FANCA: variants seen among roughly 807,000 people sequenced by gnomAD.
FANCA encodes the protein Fanconi anemia group A protein.
In FANCA, 236 loss-of-function variants were observed where a neutral mutation model predicts 194.3. The ratio of observed to expected loss-of-function variants is 1.21; its 90% CI spans 1.09 to 1.35. FANCA has a LOEUF of 1.35. Among genes scored for constraint, FANCA ranks in the 40% most tolerant of loss-of-function variants. The pLI is 0.00. For missense variants in FANCA, 2,628 were observed against 1,813.9 expected (o/e 1.45, Z -8.15); for synonymous variants, 1,014 against 715.8 (o/e 1.42, Z -6.65).
intron 18 of FANCA, 77 bp from the exon 19 acceptor site, chr16:89,779,080 CAG>C (rs1439485194): frequency 4.3e-6 from 6 of 1,406,186 alleles, no homozygotes; most frequent in Admixed American, 3.5e-5. Context: ...ACCGGTGTTT[CAG>C]AGAGTGGACT....
At chr16:89,748,635 G>A (rs2038473131) in intron 33 of FANCA, 24 bp downstream of exon 33, 2 of 1,574,360 alleles carry the variant, frequency 1.3e-6, no homozygotes, top group Non-Finnish European at 1.7e-6. Context: ...AGATCGGACG[G>A]ACACGTGCAC....
chr16:89,813,032 C>CAA (rs34840110), intron 3 of FANCA, among the ~76,000 whole-genome samples: 4 of 127,052 alleles, frequency 3.1e-5, no homozygotes, highest in Admixed American at 1.6e-4. Flanking sequence ...CACTTCGTCT[C>CAA]AAAAAAAAAA....
rs5000711 is a variant in FANCA, at chr16:89,745,525, G to C, written c.3514-454C>G. Among the ~76,000 whole-genome samples, 110 of 75,490 alleles carry C rather than the reference G, an allele frequency of 1.5e-3. 1 individual carries two copies. Among genetic ancestry groups the C allele is most frequent in the East Asian group, 4.8e-3 (6 of 1,260 alleles). 49.5% of individuals were successfully genotyped at this position (75,490 alleles called of 152,430 possible). A position where few individuals can be genotyped will look rare whatever the true frequency, so the allele number is the denominator to read the frequency against. On this transcript the variant is annotated intron_variant, in intron 35 of 42. Transcript: ENST00000389301. ...AACGAAACAGTGAAGGGACCACACT[G>C]CCCTGAGCTGGGAACGAAACAGTGA...
chr16:89,807,091 G>C (rs940320264), intron 6 of FANCA, among the ~76,000 whole-genome samples: 3 of 152,002 alleles, frequency 2.0e-5, no homozygotes, highest in African/African-American at 7.3e-5. Flanking sequence ...GATTATTGCT[G>C]AAATGTCTAC....
At chr16:89,801,654 C>T (rs574218306) in intron 8 of FANCA, among the ~76,000 whole-genome samples, 1 of 152,190 alleles carries the variant, frequency 6.6e-6, no homozygotes, top group South Asian at 2.1e-4. Context: ...CTTCAGGAGG[C>T]CAAGGCAGGC....
chr16:89,754,708 A>G (rs2038712735), intron 30 of FANCA, among the ~76,000 whole-genome samples: 1 of 152,186 alleles, frequency 6.6e-6, no homozygotes, highest in Middle Eastern at 3.2e-3. Flanking sequence ...AGGAATCGAT[A>G]CAAAAACACT....
chr16:89,814,731 A>C, intron 2 of FANCA, 118 bp from the exon 3 acceptor site: 1 of 733,360 alleles, frequency 1.4e-6, no homozygotes, highest in Non-Finnish European at 2.4e-6. Flanking sequence ...TCACGAGGTC[A>C]AGAGTTCGAG....
chr16:89,749,988 G>A, intron 31 of FANCA, 86 bp from the exon 32 acceptor site: 1 of 1,427,764 alleles, frequency 7.0e-7, no homozygotes, highest in South Asian at 1.2e-5. Flanking sequence ...GGGTCAGGGA[G>A]AGGTCTCCAC....
Position 89,784,708 on chromosome 16 carries a change from TGGGGAA to T in FANCA, c.1470+140_1470+145del, listed in dbSNP as rs146134541. The T allele has an allele frequency of 1.8e-3, 1,303 of 744,396 alleles. 3 individuals carry two copies. The highest frequency in any genetic ancestry group is 2.3e-3 in the Non-Finnish European group (947 of 407,328). The allele number at this position is 744,396 out of a possible 1,614,324, so 46.1% of individuals were successfully genotyped here. A position where few individuals can be genotyped will look rare whatever the true frequency, so the allele number is the denominator to read the frequency against. On this transcript the variant is annotated intron_variant, in intron 15 of 42. Coordinates refer to ENST00000389301, the MANE Select transcript of FANCA (RefSeq NM_000135.4). ...TTGTGTTGTTTCACCATAAACGGCTTGGGGAAGGGGAAGGGGAAGGGGAAGGGCCTG... is the reference window on the plus strand; with the variant it reads ...TTGTGTTGTTTCACCATAAACGGCTTGGGGAAGGGGAAGGGGAAGGGCCTG...
chr16:89,784,902 A>C lies in FANCA; in HGVS notation c.1422T>G (p.Phe474Leu). The C allele has an allele frequency of 1.2e-6, 2 of 1,614,200 alleles. No individual in the cohort carries two copies. Among genetic ancestry groups the C allele is most frequent in the African/African-American group, 1.3e-5 (1 of 75,058 alleles). ...GCSKKALVFLFTFLSELVPFE... is the reference protein window; with the variant it reads ...GCSKKALVFLLTFLSELVPFE... ...AAGGCACGAGTTCTGACAAGAACGT[A>C]AACAGGAAGACCAGGGCCTTCTTGC... Residue 474 changes from phenylalanine (F) to leucine (L), a missense_variant, in exon 15 of 43, where the codon TTT becomes TTG. Physicochemically the swap from Phe to Leu is conservative, Grantham distance 22. Coordinates refer to ENST00000389301, the MANE Select transcript of FANCA (RefSeq NM_000135.4).
At chr16:89,811,539 G>A (rs1428447316) in intron 3 of FANCA, among the ~76,000 whole-genome samples, 1 of 152,152 alleles carries the variant, frequency 6.6e-6, no homozygotes, top group Non-Finnish European at 1.5e-5. Flanking sequence ...CTGGTGGGCA[G>A]GTGCAGTCAC....
At chr16:89,789,969 G>A (rs377274036) in intron 14 of FANCA, among the ~76,000 whole-genome samples, 82 of 152,112 alleles carry the variant, frequency 5.4e-4, no homozygotes, top group African/African-American at 1.6e-3. Context: ...CCCTCCAGGC[G>A]AGTCTAATGC....
rs529413689 is a variant in FANCA at position 89,791,385 on chromosome 16, G to C, written c.1359+18C>G. On this transcript the variant is annotated intron_variant, in intron 14 of 42. Transcript: ENST00000389301. Reference sequence around the variant, plus strand: ...TGGGAAGATCAGGTATTAGGTAGCCGATTGGCAGGTCACTTACCTTGAACC... The same window carrying C: ...TGGGAAGATCAGGTATTAGGTAGCCCATTGGCAGGTCACTTACCTTGAACC... 6.2e-7 allele frequency: 1 copy of C among 1,612,940 alleles called. No individual in the cohort carries two copies. The highest frequency in any genetic ancestry group is 2.2e-5 in the East Asian group (1 of 44,854).
chr16:89,769,195 G>C (rs1240599275), intron 26 of FANCA, among the ~76,000 whole-genome samples: 6 of 152,180 alleles, frequency 3.9e-5, no homozygotes, highest in Non-Finnish European at 1.5e-5. Flanking sequence ...CCCGACCTGG[G>C]CTACCTCTGC....
chr16:89,794,976 A>G (rs2040194447), intron 11 of FANCA, among the ~76,000 whole-genome samples: 1 of 152,164 alleles, frequency 6.6e-6, no homozygotes, highest in African/African-American at 2.4e-5. Flanking sequence ...GCATGCTCAA[A>G]CACCAAGTTT....
At chr16:89,755,973 C>T (rs747742794) in intron 30 of FANCA, among the ~76,000 whole-genome samples, 3 of 152,148 alleles carry the variant, frequency 2.0e-5, no homozygotes, top group African/African-American at 4.8e-5. Context: ...CACGGCCCAC[C>T]GCTCCCAGGC....
At chr16:89,804,844 C>A (rs2040579034) in intron 7 of FANCA, among the ~76,000 whole-genome samples, 1 of 151,860 alleles carries the variant, frequency 6.6e-6, no homozygotes, top group Non-Finnish European at 1.5e-5. Flanking sequence ...GCAGCCTGGC[C>A]AACCTAATGA....
At chr16:89,809,280 T>A (rs1255319895) in intron 5 of FANCA, among the ~76,000 whole-genome samples, 4 of 152,154 alleles carry the variant, frequency 2.6e-5, no homozygotes, top group Non-Finnish European at 4.4e-5. Context: ...GTCCAACATC[T>A]TCTTCGCAAA....
intron 5 of FANCA, among the ~76,000 whole-genome samples, chr16:89,808,999 G>A (rs1051015796): frequency 6.6e-5 from 10 of 151,612 alleles, no homozygotes; most frequent in Admixed American, 1.3e-4. Flanking sequence ...TCTGCCTCCC[G>A]GGTTCACGCC....
Sources: allele counts gnomAD v4.1 joint callset (sites outside exome capture counted in the v4.1 genomes callset), GRCh38; gene constraint gnomAD v4.1.1; transcripts MANE v1.5; gene names NCBI Gene and HGNC (gene_info 2026-07-23, HGNC 2026-07-21).